The following FAT2 variants were observed in gnomAD, a reference collection of about 807,000 sequenced individuals.
FAT2 encodes the protein protocadherin Fat 2.
In FAT2, 150 loss-of-function variants were observed where a neutral mutation model predicts 295.3. The ratio of observed to expected loss-of-function variants is 0.51; its 90% CI spans 0.44 to 0.58. The LOEUF (loss-of-function observed/expected upper bound fraction) is 0.58, where lower values mean the gene tolerates loss of function less well. Ranked by LOEUF, FAT2 falls within the 20% of genes least tolerant of loss-of-function variation. The pLI is 0.00. For missense variants in FAT2, 4,868 were observed against 5,442.7 expected (o/e 0.89, Z 3.32); for synonymous variants, 2,026 against 2,150.3 (o/e 0.94, Z 1.60).
intron 1 of FAT2, among the ~76,000 whole-genome samples, chr5:151,582,310 T>A (rs1277110918): frequency 6.6e-6 from 1 of 152,158 alleles, no homozygotes; most frequent in Non-Finnish European, 1.5e-5. Context: ...AGGTAACTGC[T>A]CCACCCAGCC....
intron 10 of FAT2, 121 bp downstream of exon 10, chr5:151,542,164 G>A (rs1002028115): frequency 4.4e-6 from 4 of 902,340 alleles, no homozygotes; most frequent in Non-Finnish European, 6.7e-6. Context: ...GGGGTTAAGT[G>A]TGCCCAAGGT....
rs760967696 is a variant in FAT2 at position 151,507,506 on chromosome 5, G to A, written c.12165C>T (p.Ala4055=). The A allele has an allele frequency of 2.2e-5, 35 of 1,613,936 alleles. No individual in the cohort carries two copies. In the Admixed American group the frequency reaches 3.5e-4, roughly 16 times the overall value. Residue 4055 remains alanine (A), a synonymous_variant, in exon 23 of 24, where the codon GCC becomes GCT. Coordinates refer to ENST00000261800, the MANE Select transcript of FAT2 (RefSeq NM_001447.3). ...GQQELLIITV[A]VAFIIISTVG... ...CAGTGCTTATGATAATGAACGCCAC[G>A]GCCACTGTGATGATCAGTAACTCCT...
chr5:151,554,681 C>A lies in FAT2; in HGVS notation c.3634-8G>T, dbSNP rs2127631797. The A allele has an allele frequency of 6.2e-7, 1 of 1,601,632 alleles. No individual in the cohort carries two copies. Among genetic ancestry groups the A allele is most frequent in the Non-Finnish European group, 8.5e-7 (1 of 1,173,668 alleles). On this transcript the variant is annotated splice_region_variant and splice_polypyrimidine_tract_variant and intron_variant, in intron 4 of 23. Coordinates refer to ENST00000261800, the MANE Select transcript of FAT2 (RefSeq NM_001447.3). ...ATTGTCCAGCACAGTCACCTGGGAG[C>A]AGAATTGAGCATGAGCACCTGAGCT... is the stretch of plus-strand genomic sequence containing the variant.
chr5:151,525,552 CT>C (rs1434924646), intron 18 of FAT2, among the ~76,000 whole-genome samples: 1 of 142,128 alleles, frequency 7.0e-6, no homozygotes, highest in East Asian at 1.9e-4. Context: ...CTTAAATCCC[CT>C]GTGTTCCTCA....
rs753217238 is a variant in FAT2 at position 151,567,666 on chromosome 5, G to C, written c.1266C>G (p.Asp422Glu). The C allele has an allele frequency of 1.9e-6, 3 of 1,614,192 alleles. No individual in the cohort carries two copies. The highest frequency in any genetic ancestry group is 2.2e-5 in the East Asian group (1 of 44,876). Reference protein sequence around the residue: ...TGLITTTKLMDFHDRAHYQLH... With the variant: ...TGLITTTKLMEFHDRAHYQLH... ...GCTGATAGTGGGCTCTGTCGTGGAAGTCCATGAGCTTTGTGGTGGTGATCA... is the reference window on the plus strand; with the variant it reads ...GCTGATAGTGGGCTCTGTCGTGGAACTCCATGAGCTTTGTGGTGGTGATCA... Residue 422 changes from aspartate to glutamate, a missense_variant, in exon 2 of 24, where the codon GAC becomes GAG. This residue lies in a region of FAT2 where 3,297 missense variants were observed against 3,669.4 expected (regional missense o/e 0.90). Transcript: ENST00000261800.
chr5:151,508,545 A>T (rs147488768), intron 22 of FAT2, among the ~76,000 whole-genome samples: 61 of 152,296 alleles, frequency 4.0e-4, no homozygotes, highest in African/African-American at 1.5e-3. Flanking sequence ...CCCCGTATCT[A>T]CTAAAAATAC....
At chr5:151,551,803 T>C (rs1757235407) in intron 6 of FAT2, among the ~76,000 whole-genome samples, 197 bp from the exon 7 acceptor site, 1 of 152,216 alleles carries the variant, frequency 6.6e-6, no homozygotes, top group African/African-American at 2.4e-5. Context: ...TCAAGTTATT[T>C]TTATTTGAAT....
upstream of FAT2, among the ~76,000 whole-genome samples, chr5:151,591,609 T>A (rs1186151608): frequency 6.7e-6 from 1 of 150,318 alleles, no homozygotes; most frequent in African/African-American, 2.5e-5. Flanking sequence ...ACAAGGGAAC[T>A]AGAAAAGGTC....
chr5:151,563,216 G>A, intron 3 of FAT2, 109 bp downstream of exon 3: 4 of 1,072,268 alleles, frequency 3.7e-6, no homozygotes, highest in African/African-American at 1.6e-5. Flanking sequence ...TGGGGCCAGA[G>A]AATTTGAATT....
At chr5:151,547,886 T>A (rs1003667314) in intron 9 of FAT2, among the ~76,000 whole-genome samples, 11 of 152,190 alleles carry the variant, frequency 7.2e-5, no homozygotes, top group African/African-American at 2.7e-4. Flanking sequence ...ATGATGGTTA[T>A]GTGTTGTGTT....
intron 3 of FAT2, among the ~76,000 whole-genome samples, chr5:151,560,161 C>T (rs1757959711): frequency 1.3e-5 from 2 of 152,182 alleles, no homozygotes; most frequent in Admixed American, 6.5e-5. Context: ...GCCTTTCCAT[C>T]TTCATCTTCC....
chr5:151,512,956 C>A lies in FAT2; in HGVS notation c.11464-350G>T, dbSNP rs183978168. Among the ~76,000 whole-genome samples the A allele has an allele frequency of 6.6e-6, 1 of 152,176 alleles. No homozygotes were observed. The highest frequency in any genetic ancestry group is 1.5e-5 in the Non-Finnish European group (1 of 68,026). On this transcript the variant is annotated intron_variant, in intron 20 of 23. Transcript: ENST00000261800. This position sits in a 1 kb window ranked among gnomAD's most constrained non-coding sequence, Gnocchi z 4.1. ...CACACTTGTGAATATTGGCCTTCAG[C>A]GATTTGAAAAACCTGTCTCCCACTC...
chr5:151,558,342 A>G (rs1757875747), intron 3 of FAT2, among the ~76,000 whole-genome samples: 3 of 152,168 alleles, frequency 2.0e-5, no homozygotes, highest in Non-Finnish European at 4.4e-5. Flanking sequence ...TCGCCTGGGC[A>G]CGGTGGCTCA....
In FAT2 at chr5:151,528,110, T is replaced by C; in HGVS notation, c.10050A>G (p.Gly3350=). The C allele has an allele frequency of 6.2e-7, 1 of 1,613,874 alleles. No homozygotes were observed. Among genetic ancestry groups the C allele is most frequent in the Non-Finnish European group, 8.5e-7 (1 of 1,179,892 alleles). ...TATAGGTAATGTCACTATTTAGGGG[T>C]CCATCTTCATCAGTCGCTGATACCT... ...ILTVSATDED[G]PLNSDITYSL... The change falls in exon 16 of 24, where the codon GGA becomes GGG. Residue 3350 remains glycine, a synonymous_variant. Coordinates refer to ENST00000261800, the MANE Select transcript of FAT2 (RefSeq NM_001447.3).
chr5:151,544,243 A>G lies in FAT2; in HGVS notation c.6884T>C (p.Leu2295Ser), dbSNP rs1447002571. The G allele has an allele frequency of 6.2e-7, 1 of 1,614,204 alleles. No individual in the cohort carries two copies. Among genetic ancestry groups the G allele is most frequent in the Non-Finnish European group, 8.5e-7 (1 of 1,180,024 alleles). ...LPAQTPVIQL[L>S]ASDQDSGRNR... ...CCGCCCTGAGTCCTGGTCAGAAGCCAACAGTTGGATCACAGGGGTCTGAGC... is the reference window on the plus strand; with the variant it reads ...CCGCCCTGAGTCCTGGTCAGAAGCCGACAGTTGGATCACAGGGGTCTGAGC... The change falls in exon 10 of 24, where the codon TTG becomes TCG. Residue 2295 changes from leucine (L) to serine (S), a missense_variant. Leu to Ser is a moderately radical substitution (Grantham distance 145, BLOSUM62 -2). Transcript: ENST00000261800.
chr5:151,542,874 C>A lies in FAT2; in HGVS notation c.8253G>T (p.Val2751=). 5 of 1,614,186 alleles carry A rather than the reference C, an allele frequency of 3.1e-6. No homozygotes were observed. Among genetic ancestry groups the A allele is most frequent in the Non-Finnish European group, 4.2e-6 (5 of 1,180,044 alleles). ...TGGATTCGTGGTCCATGGGCTTCCT[C>A]ACCTTTATGACCCCTGTGTCTGGGT... ...SLDPDTGVIK[V]RKPMDHESTK... The change falls in exon 10 of 24, where the codon GTG becomes GTT. Residue 2751 remains valine, a synonymous_variant. Transcript: ENST00000261800.
chr5:151,589,235 C>A (rs1211051234), intron 1 of FAT2, among the ~76,000 whole-genome samples: 2 of 152,186 alleles, frequency 1.3e-5, no homozygotes, highest in Non-Finnish European at 2.9e-5. Flanking sequence ...CCATCTCCCC[C>A]CAGACACACA....
At chr5:151,534,351 C>G in intron 13 of FAT2, 58 bp downstream of exon 13, 2 of 1,422,114 alleles carry the variant, frequency 1.4e-6, no homozygotes, top group Non-Finnish European at 9.6e-7. Flanking sequence ...GGACCAAACC[C>G]TTGCCCAAGG....
At chr5:151,533,782 T>TTA (rs1026835055) in intron 13 of FAT2, among the ~76,000 whole-genome samples, 17 of 151,766 alleles carry the variant, frequency 1.1e-4, no homozygotes, top group Admixed American at 1.0e-3. Context: ...CATTAATGAG[T>TTA]TATATATATG....
Sources: gnomAD v4.1 joint callset for allele counts (sites outside exome capture counted in the v4.1 genomes callset) on GRCh38, gnomAD v4.1.1 for gene constraint, gnomAD v4.1.1 regional missense constraint, Gnocchi (gnomAD v3.1) non-coding constraint, MANE v1.5 for transcripts, NCBI Gene and HGNC (gene_info 2026-07-23, HGNC 2026-07-21) for gene names.